Variants in PAXBP1 observed in about 807,000 individuals in gnomAD.
PAXBP1 encodes PAX3 and PAX7 binding protein 1.
Under a neutral mutation model 119.9 loss-of-function variants are expected in PAXBP1, and 44 were observed. That is an observed-to-expected ratio of 0.37 (90% CI 0.29 to 0.47). PAXBP1 has a LOEUF of 0.47. PAXBP1 is among the 20% of genes least tolerant of loss of function. The probability of loss-of-function intolerance (pLI) is 0.99; values close to 1 mark genes in which losing one functional copy is unlikely to be tolerated. For missense variants in PAXBP1, 898 were observed against 1,134.1 expected (o/e 0.79, Z 2.99); for synonymous variants, 393 against 406.6 (o/e 0.97, Z 0.40).
At chr21:32,747,378 G>A (rs966449656) in intron 11 of PAXBP1, among the ~76,000 whole-genome samples, 1 of 152,170 alleles carries the variant, frequency 6.6e-6, no homozygotes, top group African/African-American at 2.4e-5. Flanking sequence ...GAGACAGAGG[G>A]TGGAGCTCAG....
chr21:32,759,833 G>C lies in PAXBP1; in HGVS notation c.1137C>G (p.Pro379=), dbSNP rs1342062611. ...TAGTAACGGGAGTCATCTCATTACT[G>C]GGAGTTTTGAAAGGGACTGTATTAT... ...KTDNTVPFKT[P]SNEMTPVTID... The change falls in exon 6 of 18, where the codon CCC becomes CCG. Residue 379 remains proline (P), a synonymous_variant. Transcript: ENST00000331923. 6.2e-7 allele frequency: 1 copy of C among 1,614,034 alleles called. No individual in the cohort carries two copies.
Position 32,759,203 on chromosome 21 carries a change from T to C in PAXBP1, c.1260A>G (p.Arg420=), listed in dbSNP as rs1227958590. 6.2e-7 allele frequency: 1 copy of C among 1,614,106 alleles called. No individual in the cohort carries two copies. The highest frequency in any genetic ancestry group is 1.7e-5 in the Admixed American group (1 of 60,022). Residue 420 remains arginine, a synonymous_variant, in exon 7 of 18, where the codon CGA becomes CGG. Transcript: ENST00000331923. ...RQQHEKHLQS[R]VDSTRAIERL... is the part of the protein sequence containing the mutation. ...TTTCAATAGCCCTGGTAGAGTCCAC[T>C]CGGCTTTGCAGATGTTTCTCATGCT...
At chr21:32,752,631 A>ACTAT (rs368520643) in intron 8 of PAXBP1, among the ~76,000 whole-genome samples, 2 of 152,156 alleles carry the variant, frequency 1.3e-5, no homozygotes, top group Admixed American at 1.3e-4. Flanking sequence ...ATCAGACCTT[A>ACTAT]CTATCTATCT....
In PAXBP1 at chr21:32,761,083, T is replaced by G. The variant is rs1160347945; in HGVS notation, c.951A>C (p.Ile317=). 1 of 1,613,714 alleles carries G rather than the reference T, an allele frequency of 6.2e-7. No homozygotes were observed. Among genetic ancestry groups the G allele is most frequent in the East Asian group, 2.2e-5 (1 of 44,854 alleles). Residue 317 remains isoleucine, a synonymous_variant, in exon 5 of 18, where the codon ATA becomes ATC. Coordinates refer to ENST00000331923, the MANE Select transcript of PAXBP1 (RefSeq NM_016631.4). ...CCTGAGGGATATTAATTCCTTTCCT[T>G]ATCTGCTCCTGTTCCCATCGGCTGA... The part of the protein sequence containing the change: ...EELSRWEQEQ[I]RKGINIPQVQ...
rs551236608 is a variant in PAXBP1, at chr21:32,737,295, T to G, written c.2595A>C (p.Arg865Ser). 4.4e-6 allele frequency: 7 copies of G among 1,580,432 alleles called. No individual in the cohort carries two copies. In the East Asian group the frequency reaches 1.6e-4, roughly 36 times the overall value. Residue 865 changes from arginine (R) to serine (S), a missense_variant, in exon 17 of 18, where the codon AGA becomes AGC. Coordinates refer to ENST00000331923, the MANE Select transcript of PAXBP1 (RefSeq NM_016631.4). ...YLVHLADTIY[R>S]NSIGCSDVEK... is the part of the protein sequence containing the mutation. ...CCACATCAGAACACCCGATACTATT[T>G]CTATAAATTGTATCCGCTAAGTGTA...
Position 32,760,896 on chromosome 21 carries a change from TGCGTGC to T in PAXBP1, c.975+157_975+162del, listed in dbSNP as rs1235094025. ...AAAAGCCTACGTGTCTCTGTGTGCG[TGCGTGC>T]GTGTGTGTGTGTGTGTGTGTGTGTG... is the stretch of plus-strand genomic sequence containing the variant. On this transcript the variant is annotated intron_variant, in intron 5 of 17. Coordinates refer to ENST00000331923, the MANE Select transcript of PAXBP1 (RefSeq NM_016631.4). Among the ~76,000 whole-genome samples, 7 of 111,368 alleles carry T rather than the reference TGCGTGC, an allele frequency of 6.3e-5. No individual in the cohort carries two copies. In the South Asian group the frequency reaches 1.7e-3, roughly 28 times the overall value. The allele number at this position is 111,368 out of a possible 152,430, so 73.1% of individuals were successfully genotyped here.
intron 6 of PAXBP1, 194 bp from the exon 7 acceptor site, chr21:32,759,463 G>T: frequency 1.5e-6 from 1 of 668,192 alleles, no homozygotes; most frequent in Non-Finnish European, 2.4e-6. Flanking sequence ...ACAGTTTTGT[G>T]GGCTAACCAA....
intron 11 of PAXBP1, among the ~76,000 whole-genome samples, chr21:32,747,123 C>G (rs984904084): frequency 3.9e-5 from 6 of 152,052 alleles, no homozygotes; most frequent in African/African-American, 1.4e-4. Flanking sequence ...GCAACAACAG[C>G]TACTGGATGC....
Position 32,771,479 on chromosome 21 carries a change from G to C in PAXBP1, c.190C>G (p.Pro64Ala). Residue 64 changes from proline (P) to alanine (A), a missense_variant, in exon 1 of 18, where the codon CCT becomes GCT. Transcript: ENST00000331923. ...ESLLGPGPSP[P>A]SALTPGLGAE... ...CCGAGGCCCGGGGTCAGCGCGGAAG[G>C]CGGCGACGGCCCCGGGCCCAGCAGC... 7.5e-7 allele frequency: 1 copy of C among 1,329,918 alleles called. No homozygotes were observed. The highest frequency in any genetic ancestry group is 9.6e-7 in the Non-Finnish European group (1 of 1,047,048). 82.4% of individuals were successfully genotyped at this position (1,329,918 alleles called of 1,614,324 possible).
chr21:32,743,165 A>C, intron 15 of PAXBP1, 83 bp downstream of exon 15: 1 of 982,378 alleles, frequency 1.0e-6, no homozygotes, highest in Non-Finnish European at 1.6e-6. Flanking sequence ...CTATGGAGTT[A>C]ATAAAAAACA....
At chr21:32,738,356 T>C (rs748764156) in intron 15 of PAXBP1, 37 bp from the exon 16 acceptor site, 1 of 1,515,240 alleles carries the variant, frequency 6.6e-7, no homozygotes, top group Non-Finnish European at 8.9e-7. Flanking sequence ...TGTGAAACAA[T>C]TAGATTAGGT....
intron 15 of PAXBP1, among the ~76,000 whole-genome samples, chr21:32,738,978 C>G (rs952333024): frequency 2.6e-5 from 4 of 152,172 alleles, no homozygotes; most frequent in Non-Finnish European, 5.9e-5. Context: ...CACGACCATC[C>G]AGTCTGTCCA....
chr21:32,749,549 A>G (rs2146486772), intron 10 of PAXBP1, among the ~76,000 whole-genome samples: 1 of 152,264 alleles, frequency 6.6e-6, no homozygotes, highest in South Asian at 2.1e-4. Context: ...AAATATTTAC[A>G]ATGGAGAGAT....
At chr21:32,748,773 G>C (rs2043914343) in intron 10 of PAXBP1, 75 bp from the exon 11 acceptor site, 2 of 1,315,724 alleles carry the variant, frequency 1.5e-6, no homozygotes, top group East Asian at 4.8e-5. Context: ...TATTTTCAGT[G>C]TTTTCTTTGT....
intron 1 of PAXBP1, among the ~76,000 whole-genome samples, 174 bp downstream of exon 1, chr21:32,771,152 G>A (rs941066979): frequency 1.3e-5 from 2 of 152,200 alleles, no homozygotes; most frequent in African/African-American, 4.8e-5. Flanking sequence ...GCGCGGGAAC[G>A]CGTCCCTTGC....
intron 8 of PAXBP1, 86 bp downstream of exon 8, chr21:32,755,142 AAG>A (rs1164805646): frequency 1.6e-5 from 21 of 1,319,014 alleles, no homozygotes; most frequent in South Asian, 9.5e-5. Flanking sequence ...AAAAAAAAAA[AAG>A]CTCCAAGATC....
In PAXBP1 at chr21:32,771,754, C is replaced by A; in HGVS notation, c.-86G>T. On this transcript the variant is annotated 5_prime_UTR_variant, in exon 1 of 18. Coordinates refer to ENST00000331923, the MANE Select transcript of PAXBP1 (RefSeq NM_016631.4). The stretch of plus-strand genomic sequence containing the variant: ...GCTCGTGACGGCGCACGCGCGCTCT[C>A]CGGAGCTCCAGCCGGGTCGAGTCCT... 1 of 1,197,586 alleles carries A rather than the reference C, an allele frequency of 8.4e-7. No homozygotes were observed. The allele number at this position is 1,197,586 out of a possible 1,614,324, so 74.2% of individuals were successfully genotyped here. A position where few individuals can be genotyped will look rare whatever the true frequency, so the allele number is the denominator to read the frequency against.
chr21:32,737,378 T>G lies in PAXBP1; in HGVS notation c.2512A>C (p.Met838Leu). 1 of 1,608,130 alleles carries G rather than the reference T, an allele frequency of 6.2e-7. No individual in the cohort carries two copies. The highest frequency in any genetic ancestry group is 8.5e-7 in the Non-Finnish European group (1 of 1,177,772). The change falls in exon 17 of 18, where the codon ATG becomes CTG. Residue 838 changes from methionine to leucine, a missense_variant. Transcript: ENST00000331923. ...ATAGTCCTTTCTCCTTTCAGATTCATGAACCATTGTTTGGGGAAACAATTG... is the reference window on the plus strand; with the variant it reads ...ATAGTCCTTTCTCCTTTCAGATTCAGGAACCATTGTTTGGGGAAACAATTG... Reference protein sequence around the residue: ...VINCFPKQWFMNLKGERTISQ... With the variant: ...VINCFPKQWFLNLKGERTISQ...
At chr21:32,742,111 T>G (rs115286450) in intron 15 of PAXBP1, among the ~76,000 whole-genome samples, 352 of 152,304 alleles carry the variant, frequency 2.3e-3, no homozygotes, top group African/African-American at 6.9e-3. Context: ...CAAAAGAGAA[T>G]GGGGAATTTC....
Sources: gnomAD v4.1 joint callset for allele counts (sites outside exome capture counted in the v4.1 genomes callset) on GRCh38, gnomAD v4.1.1 for gene constraint, MANE v1.5 for transcripts, NCBI Gene and HGNC (gene_info 2026-07-23, HGNC 2026-07-21) for gene names.